The following SNTG1 variants were observed in gnomAD, a reference collection of about 807,000 sequenced individuals.
SNTG1 encodes gamma-1-syntrophin.
Under a neutral mutation model 74.7 loss-of-function variants are expected in SNTG1, and 39 were observed. That is an observed-to-expected ratio of 0.52 (90% CI 0.40 to 0.68). The LOEUF (loss-of-function observed/expected upper bound fraction) is 0.68. Ranked by LOEUF, SNTG1 falls within the 30% of genes least tolerant of loss-of-function variation. SNTG1 has a pLI of 0.00. For missense variants in SNTG1, 685 were observed against 609.5 expected, an observed-to-expected ratio of 1.12 and a Z score of -1.30; for synonymous variants, 254 against 217.1, an observed-to-expected ratio of 1.17 and a Z score of -1.49.
At chr8:50,770,075 A>G (rs973291445) in intron 18 of SNTG1, among the ~76,000 whole-genome samples, 1 of 152,102 alleles carries the variant, frequency 6.6e-6, no homozygotes, top group Non-Finnish European at 1.5e-5. Flanking sequence ...AAGGATCAAA[A>G]CAATAGGTTG....
chr8:49,990,404 A>G (rs909118736), intron 1 of SNTG1, among the ~76,000 whole-genome samples: 2 of 152,016 alleles, frequency 1.3e-5, no homozygotes, highest in African/African-American at 4.8e-5. Context: ...TTACTTATAC[A>G]ATTTTGCAGA....
At chr8:50,642,193 A>G (rs542250077) in intron 13 of SNTG1, among the ~76,000 whole-genome samples, 127 of 152,224 alleles carry the variant, frequency 8.3e-4, no homozygotes, top group African/African-American at 2.9e-3. Context: ...TTCACACCAG[A>G]AGTAAAATTC....
intron 2 of SNTG1, among the ~76,000 whole-genome samples, chr8:50,313,887 C>T (rs2090214863): frequency 6.7e-6 from 1 of 149,860 alleles, no homozygotes; most frequent in Non-Finnish European, 1.5e-5. Context: ...GCCTCAAATA[C>T]TTCAGTGTGC....
chr8:50,693,654 G>A (rs899153015), intron 15 of SNTG1, among the ~76,000 whole-genome samples: 3 of 152,092 alleles, frequency 2.0e-5, no homozygotes, highest in Non-Finnish European at 4.4e-5. Flanking sequence ...AACAGCAACA[G>A]AATACACATT....
intron 15 of SNTG1, among the ~76,000 whole-genome samples, chr8:50,692,270 A>C (rs7000264): frequency 6.6e-6 from 1 of 152,026 alleles, no homozygotes; most frequent in Non-Finnish European, 1.5e-5. Flanking sequence ...TTCTCCATCC[A>C]ACTTTGTTCC....
At chr8:49,932,002 T>A (rs1807636961) in intron 1 of SNTG1, among the ~76,000 whole-genome samples, 1 of 152,198 alleles carries the variant, frequency 6.6e-6, no homozygotes, top group Admixed American at 6.6e-5. Flanking sequence ...TATACATATA[T>A]ATTTTATGCA....
At chr8:50,528,995 T>C (rs2094244544) in intron 9 of SNTG1, among the ~76,000 whole-genome samples, 1 of 151,868 alleles carries the variant, frequency 6.6e-6, no homozygotes, top group South Asian at 2.1e-4. Context: ...TTAAGATCAT[T>C]AAGTTTATAC....
At chr8:50,372,523 C>A (rs16914778) in intron 2 of SNTG1, among the ~76,000 whole-genome samples, 7,942 of 151,912 alleles carry the variant, frequency 0.052, 457 homozygotes, top group South Asian at 0.17. Flanking sequence ...TTAAAATGGG[C>A]AAATATGCAT....
chr8:50,168,691 T>C (rs1297740469), intron 1 of SNTG1, among the ~76,000 whole-genome samples: 2 of 152,202 alleles, frequency 1.3e-5, no homozygotes, highest in African/African-American at 4.8e-5. Flanking sequence ...TATATTTGTA[T>C]TTTATTCTAT....
chr8:50,746,841 TATA>T (rs1474004875), intron 17 of SNTG1, among the ~76,000 whole-genome samples: 2 of 147,704 alleles, frequency 1.4e-5, no homozygotes, highest in Non-Finnish European at 3.0e-5. Flanking sequence ...ATATATAATA[TATA>T]ATATATTATA....
chr8:50,778,353 C>G (rs1281188426), intron 18 of SNTG1, among the ~76,000 whole-genome samples: 1 of 152,188 alleles, frequency 6.6e-6, no homozygotes, highest in Non-Finnish European at 1.5e-5. Context: ...TCCACATCCT[C>G]TCCAGGACCT....
chr8:50,078,331 T>C (rs1311831219), intron 1 of SNTG1, among the ~76,000 whole-genome samples: 1 of 152,150 alleles, frequency 6.6e-6, no homozygotes, highest in Non-Finnish European at 1.5e-5. Flanking sequence ...TTTATAGAGA[T>C]TCCATTGAAT....
At chr8:49,997,649 A>T (rs1235954294) in intron 1 of SNTG1, among the ~76,000 whole-genome samples, 1 of 152,058 alleles carries the variant, frequency 6.6e-6, no homozygotes, top group Non-Finnish European at 1.5e-5. Context: ...TCATTCCCAT[A>T]CCCTAGAAAT....
At chr8:50,701,085 G>GA (rs965209837) in intron 15 of SNTG1, among the ~76,000 whole-genome samples, 3 of 151,846 alleles carry the variant, frequency 2.0e-5, no homozygotes, top group African/African-American at 7.3e-5. Context: ...TTATGAAAAG[G>GA]AAAAAATAAC....
chr8:50,259,156 A>G (rs912408362), intron 2 of SNTG1, among the ~76,000 whole-genome samples: 1 of 152,148 alleles, frequency 6.6e-6, no homozygotes, highest in African/African-American at 2.4e-5. Flanking sequence ...ATTCTGAAAG[A>G]ATTATGAACC....
chr8:50,636,747 T>C (rs1272210452), intron 13 of SNTG1, among the ~76,000 whole-genome samples: 2 of 152,166 alleles, frequency 1.3e-5, no homozygotes, highest in Non-Finnish European at 2.9e-5. Context: ...TTTGCTCACC[T>C]GATTTTTGGT....
chr8:50,560,638 T>C (rs1405355563), intron 12 of SNTG1, among the ~76,000 whole-genome samples: 1 of 152,150 alleles, frequency 6.6e-6, no homozygotes, highest in African/African-American at 2.4e-5. Flanking sequence ...AGACGCCACG[T>C]CTTCTTACTT....
chr8:50,268,180 T>G (rs937454736), intron 2 of SNTG1, among the ~76,000 whole-genome samples: 4 of 152,178 alleles, frequency 2.6e-5, no homozygotes, highest in African/African-American at 9.7e-5. Flanking sequence ...AGGAAAATTA[T>G]TTGGTAAAAA....
intron 13 of SNTG1, among the ~76,000 whole-genome samples, chr8:50,627,483 C>T (rs1284437525): frequency 6.6e-6 from 1 of 152,036 alleles, no homozygotes; most frequent in Non-Finnish European, 1.5e-5. Context: ...CTTTCCAGAG[C>T]CTTGATGATA....
Sources: gnomAD v4.1 joint callset for allele counts (sites outside exome capture counted in the v4.1 genomes callset) on GRCh38, gnomAD v4.1.1 for gene constraint, MANE v1.5 for transcripts, NCBI Gene and HGNC (gene_info 2026-07-23, HGNC 2026-07-21) for gene names.